Variants in DISC1 observed in about 807,000 individuals in gnomAD.
DISC1 encodes DISC1 scaffold protein, also known as disrupted in schizophrenia 1 protein.
DISC1 carries 57 observed loss-of-function variants against 84.5 expected under a neutral mutation model. That is an observed-to-expected ratio of 0.67 (90% CI 0.55 to 0.84). The LOEUF (loss-of-function observed/expected upper bound fraction) is 0.84, where lower values mean the gene tolerates loss of function less well. DISC1 is among the 40% of genes least tolerant of loss of function. DISC1 has a pLI of 0.00. For missense variants in DISC1, 1,000 were observed against 1,057.8 expected, an observed-to-expected ratio of 0.95 and a Z score of 0.76; for synonymous variants, 411 against 415.2, an observed-to-expected ratio of 0.99 and a Z score of 0.12.
rs182679329 is a variant in DISC1 at position 231,725,801 on chromosome 1, C to T, written c.1117+23777C>T. Among the ~76,000 whole-genome samples, 228 of 151,714 alleles carry T rather than the reference C, an allele frequency of 1.5e-3. 1 individual carries two copies. Among genetic ancestry groups the T allele is most frequent in the Non-Finnish European group, 5.0e-4 (34 of 67,964 alleles). On this transcript the variant is annotated intron_variant, in intron 3 of 12. Coordinates refer to ENST00000439617, the MANE Select transcript of DISC1 (RefSeq NM_018662.3). The stretch of plus-strand genomic sequence containing the variant: ...TAGTGCTGCCTGAGCTGGCTGAAGG[C>T]CCTTCTGGGCTGGGTCCATATGCCC...
At chr1:232,019,260 A>G (rs895047031) in intron 11 of DISC1, among the ~76,000 whole-genome samples, 1 of 152,206 alleles carries the variant, frequency 6.6e-6, no homozygotes, top group East Asian at 1.9e-4. Context: ...AGGTGTAGCA[A>G]TCAGACCATT....
intron 10 of DISC1, among the ~76,000 whole-genome samples, chr1:232,001,434 ATACT>A (rs1666677909): frequency 6.6e-6 from 1 of 152,222 alleles, no homozygotes; most frequent in Admixed American, 6.5e-5. Context: ...GTTTATTTGC[ATACT>A]TAAAGTAGTA....
intron 10 of DISC1, among the ~76,000 whole-genome samples, chr1:232,005,187 G>GATGATTT (rs1268617003): frequency 6.7e-6 from 1 of 150,120 alleles, no homozygotes; most frequent in Non-Finnish European, 1.5e-5. Flanking sequence ...TGTACTGCTT[G>GATGATTT]ATGATTTTTC....
intron 11 of DISC1, among the ~76,000 whole-genome samples, chr1:232,013,737 C>T (rs899774690): frequency 1.3e-4 from 20 of 152,256 alleles, no homozygotes; most frequent in Admixed American, 7.2e-4. Context: ...TCTTCTTGGA[C>T]GCTCTGCATA....
chr1:231,989,442 C>T (rs992847646), intron 10 of DISC1, among the ~76,000 whole-genome samples: 2 of 152,136 alleles, frequency 1.3e-5, no homozygotes, highest in Non-Finnish European at 2.9e-5. Context: ...ATAGGCATGC[C>T]CTGACCTTGA....
intron 9 of DISC1, among the ~76,000 whole-genome samples, chr1:231,942,525 C>T (rs543826805): frequency 9.2e-5 from 14 of 152,138 alleles, no homozygotes; most frequent in African/African-American, 2.4e-4. Context: ...ATTAGCCTGG[C>T]GTGGTGTCAC....
At chr1:231,904,359 G>T (rs909470821) in intron 9 of DISC1, among the ~76,000 whole-genome samples, 1 of 151,732 alleles carries the variant, frequency 6.6e-6, no homozygotes, top group African/African-American at 2.4e-5. Flanking sequence ...TAGCAATTTA[G>T]TCCTAAATAT....
rs143322593 is a variant in DISC1 at position 231,895,969 on chromosome 1, C to T, written c.1982-62859C>T. 1.2e-4 allele frequency among the ~76,000 whole-genome samples: 19 copies of T among 152,268 alleles called. No individual in the cohort carries two copies. The East Asian group carries it at 2.5e-3, about 20-fold the overall frequency. On this transcript the variant is annotated intron_variant, in intron 9 of 12. Transcript: ENST00000439617. Reference sequence around the variant, plus strand: ...CACGTCACAGTTCATGGCTTATTGTCGTAGCTCAGTAATTCCTTGTTTTCT... The same window carrying T: ...CACGTCACAGTTCATGGCTTATTGTTGTAGCTCAGTAATTCCTTGTTTTCT...
chr1:231,833,207 A>G (rs1222218127), intron 9 of DISC1, among the ~76,000 whole-genome samples: 1 of 150,744 alleles, frequency 6.6e-6, no homozygotes, highest in East Asian at 1.9e-4. Flanking sequence ...AGGTGGGGAC[A>G]ATTAAAAAGG....
chr1:231,817,335 C>T (rs1039342058), intron 8 of DISC1, among the ~76,000 whole-genome samples: 5 of 152,174 alleles, frequency 3.3e-5, no homozygotes, highest in African/African-American at 4.8e-5. Context: ...CCCACCACCT[C>T]GGCCTCCCAA....
chr1:231,768,955 A>G (rs548650816), intron 5 of DISC1, among the ~76,000 whole-genome samples: 1 of 152,164 alleles, frequency 6.6e-6, no homozygotes, highest in East Asian at 1.9e-4. Flanking sequence ...GAAGGCTTAG[A>G]GTGGGAGTGG....
intron 10 of DISC1, among the ~76,000 whole-genome samples, chr1:231,965,777 C>T (rs1314323713): frequency 2.0e-5 from 3 of 152,246 alleles, no homozygotes; most frequent in Non-Finnish European, 4.4e-5. Flanking sequence ...GAGCCCTCCC[C>T]GACCTAGCCC....
At chr1:231,822,896 C>A (rs1350574594) in intron 9 of DISC1, among the ~76,000 whole-genome samples, 2 of 152,120 alleles carry the variant, frequency 1.3e-5, no homozygotes, top group African/African-American at 4.8e-5. Context: ...TAACAACCAG[C>A]TCTCCCAGAA....
At chr1:232,026,691 C>T in intron 12 of DISC1, 139 bp downstream of exon 12, 2 of 647,472 alleles carry the variant, frequency 3.1e-6, no homozygotes, top group South Asian at 3.5e-5. Context: ...CCTCAGATCT[C>T]TGAGATTATC....
At chr1:231,636,555 CTGATT>C (rs971720474) in intron 1 of DISC1, among the ~76,000 whole-genome samples, 20 of 152,242 alleles carry the variant, frequency 1.3e-4, no homozygotes, top group Non-Finnish European at 8.8e-5. Flanking sequence ...TTTCTTGACT[CTGATT>C]TGGGATTATC....
At chr1:231,969,966 A>G (rs912837715) in intron 10 of DISC1, among the ~76,000 whole-genome samples, 10 of 152,140 alleles carry the variant, frequency 6.6e-5, no homozygotes, top group Non-Finnish European at 1.0e-4. Flanking sequence ...TCCATAGTGT[A>G]TATGTGCCAC....
At chr1:231,991,698 T>TA (rs1243402550) in intron 10 of DISC1, among the ~76,000 whole-genome samples, 2 of 152,188 alleles carry the variant, frequency 1.3e-5, no homozygotes, top group African/African-American at 2.4e-5. Flanking sequence ...TTACTTTTTT[T>TA]TTATTATTAT....
chr1:231,962,887 C>G (rs182885108), intron 10 of DISC1, among the ~76,000 whole-genome samples: 1 of 152,156 alleles, frequency 6.6e-6, no homozygotes, highest in South Asian at 2.1e-4. Context: ...TCACCAGCCT[C>G]CTTTCTCACT....
chr1:231,798,397 T>C (rs924553422), intron 7 of DISC1, among the ~76,000 whole-genome samples: 1 of 152,164 alleles, frequency 6.6e-6, no homozygotes, highest in African/African-American at 2.4e-5. Context: ...GTATTAATAT[T>C]GACAGCTTGA....
Sources: allele counts gnomAD v4.1 joint callset (sites outside exome capture counted in the v4.1 genomes callset), GRCh38; gene constraint gnomAD v4.1.1; transcripts MANE v1.5; gene names NCBI Gene and HGNC (gene_info 2026-07-23, HGNC 2026-07-21).